The following GNAS variants were observed in gnomAD, a reference collection of about 807,000 sequenced individuals.
The protein encoded by GNAS is protein ALEX.
In GNAS, 8 loss-of-function variants were observed where a neutral mutation model predicts 54.5. That is an observed-to-expected ratio of 0.15 (90% CI 0.09 to 0.26). The LOEUF (loss-of-function observed/expected upper bound fraction) is 0.26, where lower values mean the gene tolerates loss of function less well. Among genes scored for constraint, GNAS ranks in the 10% least tolerant of loss-of-function variants. The pLI, the probability that GNAS is intolerant of heterozygous loss-of-function variation, is 1.00. For missense variants in GNAS, 170 were observed against 529.8 expected, an observed-to-expected ratio of 0.32 and a Z score of 6.67; for synonymous variants, 204 against 191.4, an observed-to-expected ratio of 1.07 and a Z score of -0.54.
chr20:58,892,138 T>C, intron 1 of GNAS: 1 of 954,282 alleles, frequency 1.0e-6, no homozygotes, highest in African/African-American at 1.8e-5. Flanking sequence ...TCTCTTGCTC[T>C]CGCTCTCGCT....
In GNAS at chr20:58,841,917, C is replaced by T. The variant is rs1170824864; in HGVS notation, c.43+1031C>T. The T allele has an allele frequency of 8.2e-7, 1 of 1,218,102 alleles. No individual in the cohort carries two copies. Among genetic ancestry groups the T allele is most frequent in the Non-Finnish European group, 1.0e-6 (1 of 975,714 alleles). 75.5% of individuals were successfully genotyped at this position (1,218,102 alleles called of 1,614,324 possible). ...GACAGGCTGGAGACGGGGGTCGCGTCTAACATCAGGATAACTTACAATTCG... is the reference window on the plus strand; with the variant it reads ...GACAGGCTGGAGACGGGGGTCGCGTTTAACATCAGGATAACTTACAATTCG... On this transcript the variant is annotated intron_variant, in intron 1 of 12. Coordinates refer to the GNAS transcript ENST00000306090. This position sits in a 1 kb window ranked among gnomAD's most constrained non-coding sequence, Gnocchi z 5.0.
intron 6 of GNAS, among the ~76,000 whole-genome samples, chr20:58,908,559 T>C (rs2091234082): frequency 6.6e-6 from 1 of 152,090 alleles, no homozygotes; most frequent in Admixed American, 6.6e-5. Flanking sequence ...GTCCTTGATG[T>C]TTTTAAGAAT....
At chr20:58,845,991 A>C (rs2085926560) in intron 1 of GNAS, among the ~76,000 whole-genome samples, 1 of 152,244 alleles carries the variant, frequency 6.6e-6, no homozygotes, top group Admixed American at 6.5e-5. Context: ...TTAGCAGGGC[A>C]CATGGCTATG....
intron 1 of GNAS, among the ~76,000 whole-genome samples, chr20:58,871,272 A>G (rs1325106951): frequency 6.6e-6 from 1 of 152,202 alleles, no homozygotes; most frequent in African/African-American, 2.4e-5. Flanking sequence ...AGAGAGAGAC[A>G]AAGAGAAATT....
At chr20:58,880,094 G>C (rs1020252490) in intron 1 of GNAS, among the ~76,000 whole-genome samples, 2 of 152,064 alleles carry the variant, frequency 1.3e-5, no homozygotes, top group Admixed American at 6.6e-5. Flanking sequence ...CTCTTGGCTG[G>C]AATTTTTCCT....
intron 1 of GNAS, 118 bp downstream of exon 1, chr20:58,891,983 T>A: frequency 1.3e-6 from 1 of 740,826 alleles, no homozygotes. Context: ...CCCCCGCCCG[T>A]TCGCGGGCTC....
rs760320551 is a variant in GNAS, at chr20:58,853,815, C to T, written c.43+12929C>T. Reference sequence around the variant, plus strand: ...TCAACTTCTCTTACAGGTCCCAGACCTTGCTCCAGGAGGCCCAGGTGCTGC... The same window carrying T: ...TCAACTTCTCTTACAGGTCCCAGACTTTGCTCCAGGAGGCCCAGGTGCTGC... On this transcript the variant is annotated intron_variant, in intron 1 of 12. Coordinates refer to the GNAS transcript ENST00000306090. This position sits in a 1 kb window ranked among gnomAD's most constrained non-coding sequence, Gnocchi z 4.4. The T allele has an allele frequency of 4.4e-6, 7 of 1,604,760 alleles. No individual in the cohort carries two copies. The highest frequency in any genetic ancestry group is 6.0e-6 in the Non-Finnish European group (7 of 1,176,080).
At chr20:58,854,960 C>T (rs1307494683) in intron 1 of GNAS, 3 of 1,610,892 alleles carry the variant, frequency 1.9e-6, no homozygotes, top group East Asian at 2.2e-5. Flanking sequence ...GCGTGTACTA[C>T]GATGAAGGGG....
chr20:58,883,687 G>A (rs1466747992), intron 1 of GNAS, among the ~76,000 whole-genome samples: 3 of 152,256 alleles, frequency 2.0e-5, no homozygotes, highest in African/African-American at 7.2e-5. Flanking sequence ...GAGTGGGAGA[G>A]CAGAGGGCAT....
In GNAS at chr20:58,908,011, G is replaced by C. The variant is rs764884033; in HGVS notation, c.531-1151G>C. Among the ~76,000 whole-genome samples, 34 of 152,234 alleles carry C rather than the reference G, an allele frequency of 2.2e-4. 1 individual carries two copies. The highest frequency in any genetic ancestry group is 1.5e-4 in the Non-Finnish European group (10 of 68,048). Reference sequence around the variant, plus strand: ...TGGTAACATGCTGGAGGCCAGGGCGGCTGGGGAGCTATTTCTGGACTGGTG... The same window carrying C: ...TGGTAACATGCTGGAGGCCAGGGCGCCTGGGGAGCTATTTCTGGACTGGTG... On this transcript the variant is annotated intron_variant, in intron 6 of 12. Transcript: ENST00000371085.
chr20:58,882,343 C>G (rs35309658), intron 1 of GNAS, among the ~76,000 whole-genome samples: 2,168 of 152,354 alleles, frequency 0.014, 21 homozygotes, highest in Non-Finnish European at 0.023. Flanking sequence ...CCACCGCGCC[C>G]GGCCTCATTT....
At chr20:58,860,620 G>T (rs577823505) in intron 1 of GNAS, among the ~76,000 whole-genome samples, 2 of 152,148 alleles carry the variant, frequency 1.3e-5, no homozygotes, top group East Asian at 3.9e-4. Flanking sequence ...TCAGTGCGTG[G>T]TCTTAGAAAT....
intron 1 of GNAS, among the ~76,000 whole-genome samples, chr20:58,871,977 T>A (rs2087499728): frequency 6.6e-6 from 1 of 151,726 alleles, no homozygotes; most frequent in Non-Finnish European, 1.5e-5. Flanking sequence ...CGGACAGGAG[T>A]ACGGGGAGGA....
intron 1 of GNAS, among the ~76,000 whole-genome samples, chr20:58,852,244 C>T (rs566926032): frequency 6.6e-6 from 1 of 152,228 alleles, no homozygotes; most frequent in East Asian, 1.9e-4. Flanking sequence ...CTGCGGAGAC[C>T]CCTAGAGTGT....
chr20:58,883,144 T>C (rs2088355749), intron 1 of GNAS: 1 of 152,220 alleles, frequency 6.6e-6, no homozygotes, highest in African/African-American at 2.4e-5. Context: ...TTCTGTCATT[T>C]GGGTCCTAAT....
At chr20:58,902,073 AAGAT>A (rs1249507471) in intron 3 of GNAS, among the ~76,000 whole-genome samples, 9 of 151,844 alleles carry the variant, frequency 5.9e-5, no homozygotes, top group Admixed American at 4.6e-4. Flanking sequence ...AACCGTGAAA[AAGAT>A]AAACTCTGTC....
At chr20:58,901,866 ACTGCC>A (rs1418388118) in intron 3 of GNAS, among the ~76,000 whole-genome samples, 2 of 107,466 alleles carry the variant, frequency 1.9e-5, no homozygotes, top group African/African-American at 3.7e-5. Flanking sequence ...TGCTCCACTG[ACTGCC>A]CTGCCCTGCT....
intron 1 of GNAS, among the ~76,000 whole-genome samples, chr20:58,866,328 G>A (rs556601897): frequency 3.0e-4 from 46 of 152,318 alleles, no homozygotes; most frequent in Admixed American, 5.9e-4. Flanking sequence ...ACTGGACTGA[G>A]AAAGAGCATA....
chr20:58,904,428 C>CT (rs1180325049), intron 5 of GNAS, among the ~76,000 whole-genome samples: 7 of 152,174 alleles, frequency 4.6e-5, no homozygotes, highest in Non-Finnish European at 1.0e-4. Flanking sequence ...AGACTTTCCT[C>CT]TGGATGCACG....
Sources: gnomAD v4.1 joint callset for allele counts (sites outside exome capture counted in the v4.1 genomes callset) on GRCh38, gnomAD v4.1.1 for gene constraint, Gnocchi (gnomAD v3.1) non-coding constraint, MANE v1.5 for transcripts, NCBI Gene and HGNC (gene_info 2026-07-23, HGNC 2026-07-21) for gene names.